Variants in SNTG1 observed in about 807,000 individuals in gnomAD.
SNTG1 encodes the protein gamma-1-syntrophin.
SNTG1 carries 39 observed loss-of-function variants against 74.7 expected under a neutral mutation model. That is an observed-to-expected ratio of 0.52 (90% CI 0.40 to 0.68). SNTG1 has a LOEUF of 0.68. Ranked by LOEUF, SNTG1 falls within the 30% of genes least tolerant of loss-of-function variation. The pLI, the probability that SNTG1 is intolerant of heterozygous loss-of-function variation, is 0.00. For missense variants in SNTG1, 685 were observed against 609.5 expected, an observed-to-expected ratio of 1.12 and a Z score of -1.30; for synonymous variants, 254 against 217.1, an observed-to-expected ratio of 1.17 and a Z score of -1.49.
chr8:50,108,842 G>T (rs1340251791), intron 1 of SNTG1, among the ~76,000 whole-genome samples: 1 of 152,088 alleles, frequency 6.6e-6, no homozygotes, highest in Non-Finnish European at 1.5e-5. Context: ...AACAACTGTG[G>T]TTTACTTTTG....
intron 1 of SNTG1, among the ~76,000 whole-genome samples, chr8:50,156,515 G>T (rs1280533077): frequency 1.3e-5 from 2 of 151,900 alleles, no homozygotes; most frequent in African/African-American, 4.8e-5. Context: ...ATATATGGCT[G>T]ATATATATAA....
intron 13 of SNTG1, among the ~76,000 whole-genome samples, chr8:50,621,146 T>C (rs1585869210): frequency 6.6e-6 from 1 of 152,066 alleles, no homozygotes; most frequent in Admixed American, 6.6e-5. Context: ...TAATTTTATA[T>C]GTTTTTTACT....
At chr8:50,597,715 T>C (rs2094740947) in intron 13 of SNTG1, among the ~76,000 whole-genome samples, 1 of 151,830 alleles carries the variant, frequency 6.6e-6, no homozygotes, top group African/African-American at 2.4e-5. Flanking sequence ...TTTCCAACAT[T>C]TGTTATTTTT....
At chr8:50,369,964 T>C (rs1449741235) in intron 2 of SNTG1, among the ~76,000 whole-genome samples, 2 of 152,158 alleles carry the variant, frequency 1.3e-5, no homozygotes, top group East Asian at 3.9e-4. Flanking sequence ...TATTCCATGG[T>C]GTCTATATTC....
At chr8:50,481,303 C>T (rs901407537) in intron 8 of SNTG1, among the ~76,000 whole-genome samples, 2 of 152,092 alleles carry the variant, frequency 1.3e-5, no homozygotes, top group Non-Finnish European at 2.9e-5. Flanking sequence ...ATTGCTTGAA[C>T]CCGGGAGACG....
intron 18 of SNTG1, among the ~76,000 whole-genome samples, chr8:50,784,957 TG>T (rs2095670432): frequency 6.6e-6 from 1 of 151,856 alleles, no homozygotes; most frequent in Non-Finnish European, 1.5e-5. Flanking sequence ...AAATAACCAA[TG>T]GGTCAAAAAA....
chr8:49,987,114 T>A (rs530439026), intron 1 of SNTG1, among the ~76,000 whole-genome samples: 1 of 152,154 alleles, frequency 6.6e-6, no homozygotes, highest in Admixed American at 6.5e-5. Context: ...TTGGTTTCCA[T>A]GAGGAGATAC....
At chr8:50,551,369 G>A (rs1016934299) in intron 11 of SNTG1, among the ~76,000 whole-genome samples, 1 of 152,152 alleles carries the variant, frequency 6.6e-6, no homozygotes, top group Non-Finnish European at 1.5e-5. Flanking sequence ...TAGGCACTAT[G>A]TAACATCTAT....
At chr8:50,362,827 G>T (rs1011903825) in intron 2 of SNTG1, among the ~76,000 whole-genome samples, 2 of 152,086 alleles carry the variant, frequency 1.3e-5, no homozygotes, top group Admixed American at 1.3e-4. Flanking sequence ...GCTTCACAAA[G>T]ACACATAAGA....
intron 1 of SNTG1, among the ~76,000 whole-genome samples, chr8:49,931,695 C>T (rs1301182281): frequency 6.6e-6 from 1 of 152,088 alleles, no homozygotes; most frequent in Non-Finnish European, 1.5e-5. Flanking sequence ...CACTAGAATT[C>T]CATCAGCAAT....
intron 15 of SNTG1, among the ~76,000 whole-genome samples, chr8:50,680,344 G>A (rs2131385122): frequency 6.6e-6 from 1 of 152,232 alleles, no homozygotes; most frequent in Admixed American, 6.5e-5. Context: ...TGCAAATCCT[G>A]TCAGGACTGT....
At chr8:49,988,718 A>G (rs1813402101) in intron 1 of SNTG1, among the ~76,000 whole-genome samples, 1 of 152,112 alleles carries the variant, frequency 6.6e-6, no homozygotes, top group Non-Finnish European at 1.5e-5. Flanking sequence ...ACTTTGATAT[A>G]AGTGAAAATG....
intron 1 of SNTG1, among the ~76,000 whole-genome samples, chr8:50,074,711 C>T (rs1280699512): frequency 6.6e-6 from 1 of 152,174 alleles, no homozygotes; most frequent in East Asian, 1.9e-4. Context: ...TGCTGGCAGC[C>T]CTTGCTCACT....
At chr8:50,315,754 A>G (rs553173589) in intron 2 of SNTG1, among the ~76,000 whole-genome samples, 1 of 138,174 alleles carries the variant, frequency 7.2e-6, no homozygotes, top group Non-Finnish European at 1.5e-5. Flanking sequence ...AGAAAAACAT[A>G]CTAATACTAA....
At chr8:50,301,074 T>C (rs776803975) in intron 2 of SNTG1, among the ~76,000 whole-genome samples, 1 of 152,152 alleles carries the variant, frequency 6.6e-6, no homozygotes, top group Non-Finnish European at 1.5e-5. Flanking sequence ...CTTATCCTAT[T>C]TGGAGTTTAT....
intron 2 of SNTG1, among the ~76,000 whole-genome samples, chr8:50,200,726 C>T (rs746831509): frequency 2.0e-5 from 3 of 151,798 alleles, no homozygotes; most frequent in Non-Finnish European, 2.9e-5. Context: ...GAATGAATCA[C>T]GATAAATGAA....
chr8:50,790,083 A>T (rs2095686699), intron 18 of SNTG1, among the ~76,000 whole-genome samples: 1 of 151,938 alleles, frequency 6.6e-6, no homozygotes, highest in Non-Finnish European at 1.5e-5. Flanking sequence ...AGGCAACATG[A>T]ATTTTCCTTC....
chr8:49,952,369 C>T lies in SNTG1; in HGVS notation c.-103+40138C>T, dbSNP rs144289621. 1.6e-3 allele frequency among the ~76,000 whole-genome samples: 244 copies of T among 152,064 alleles called. 1 individual carries two copies. Among genetic ancestry groups the T allele is most frequent in the African/African-American group, 5.5e-3 (227 of 41,482 alleles). ...AAGACCTCCCTCTAAGGGTGAGAAC[C>T]GAAGAGAGGCATAAACCATGGTGAG... On this transcript the variant is annotated intron_variant, in intron 1 of 18. Coordinates refer to ENST00000642720, the MANE Select transcript of SNTG1 (RefSeq NM_018967.5).
intron 8 of SNTG1, among the ~76,000 whole-genome samples, chr8:50,481,102 G>A (rs939291434): frequency 1.3e-5 from 2 of 152,220 alleles, no homozygotes; most frequent in Admixed American, 1.3e-4. Flanking sequence ...TACAGCACAG[G>A]CTGGGCGCGG....
Sources: allele counts gnomAD v4.1 joint callset (sites outside exome capture counted in the v4.1 genomes callset), GRCh38; gene constraint gnomAD v4.1.1; transcripts MANE v1.5; gene names NCBI Gene and HGNC (gene_info 2026-07-23, HGNC 2026-07-21).